Variants in RPH3A observed in about 807,000 individuals in gnomAD.
RPH3A encodes rabphilin 3A, also known as rabphilin-3A.
In RPH3A, 48 loss-of-function variants were observed where a neutral mutation model predicts 102.2. The ratio of observed to expected loss-of-function variants is 0.47; its 90% CI spans 0.37 to 0.60. The LOEUF is 0.60. Ranked by LOEUF, RPH3A falls within the 20% of genes least tolerant of loss-of-function variation. The probability of loss-of-function intolerance (pLI) is 0.00; values close to 1 mark genes in which losing one functional copy is unlikely to be tolerated. For missense variants in RPH3A, 781 were observed against 910.1 expected, an observed-to-expected ratio of 0.86 and a Z score of 1.83; for synonymous variants, 310 against 324.3, an observed-to-expected ratio of 0.96 and a Z score of 0.47.
chr12:112,594,872 TC>T (rs1052537982), intron 1 of RPH3A, among the ~76,000 whole-genome samples: 7 of 152,248 alleles, frequency 4.6e-5, no homozygotes, highest in Non-Finnish European at 1.0e-4. Flanking sequence ...CTCGCTATAT[TC>T]CAGGCATTGT....
chr12:112,580,824 G>T (rs2039395729), intron 1 of RPH3A, among the ~76,000 whole-genome samples: 1 of 152,150 alleles, frequency 6.6e-6, no homozygotes, highest in African/African-American at 2.4e-5. Flanking sequence ...GTGCAGATTG[G>T]ATGTGACTAA....
intron 1 of RPH3A, among the ~76,000 whole-genome samples, chr12:112,653,156 C>T (rs572437208): frequency 5.9e-5 from 9 of 151,942 alleles, no homozygotes; most frequent in African/African-American, 1.7e-4. Flanking sequence ...TTTGGGAGGC[C>T]GAGGTGGATG....
At chr12:112,729,536 A>G (rs1004292864) in intron 1 of RPH3A, among the ~76,000 whole-genome samples, 2 of 152,174 alleles carry the variant, frequency 1.3e-5, no homozygotes, top group South Asian at 4.1e-4. Context: ...CTTAAAGATA[A>G]GCAGAGTTAG....
intron 1 of RPH3A, among the ~76,000 whole-genome samples, chr12:112,691,079 C>T (rs1264735888): frequency 6.6e-6 from 1 of 151,880 alleles, no homozygotes; most frequent in Non-Finnish European, 1.5e-5. Context: ...GGCTGGAGTG[C>T]AGTGGCGTGA....
upstream of RPH3A, among the ~76,000 whole-genome samples, chr12:112,790,305 G>A (rs2041085440): frequency 6.6e-6 from 1 of 152,112 alleles, no homozygotes; most frequent in Non-Finnish European, 1.5e-5. Context: ...TAATCCACCT[G>A]CCTCGGCCTC....
chr12:112,678,581 C>T (rs2040204265), intron 1 of RPH3A, among the ~76,000 whole-genome samples: 1 of 151,920 alleles, frequency 6.6e-6, no homozygotes, highest in African/African-American at 2.4e-5. Flanking sequence ...TTTATTTATT[C>T]CTGCTTGGAC....
intron 7 of RPH3A, 143 bp from the exon 8 acceptor site, chr12:112,868,287 G>C (rs1399803530): frequency 5.1e-6 from 4 of 782,880 alleles, no homozygotes; most frequent in Non-Finnish European, 8.0e-6. Context: ...AATTGTGCAG[G>C]GCTCTGTAGT....
intron 1 of RPH3A, among the ~76,000 whole-genome samples, chr12:112,764,698 A>T (rs150632416): frequency 5.3e-4 from 80 of 151,770 alleles, no homozygotes; most frequent in East Asian, 2.7e-3. Context: ...TATTATTATT[A>T]TTTTTTTGCA....
intron 1 of RPH3A, among the ~76,000 whole-genome samples, chr12:112,762,751 C>A (rs1427960087): frequency 6.6e-6 from 1 of 152,142 alleles, no homozygotes; most frequent in Non-Finnish European, 1.5e-5. Context: ...GCAAGGTGAT[C>A]AACTGTTCTG....
rs914048311 is a variant in RPH3A at position 112,669,212 on chromosome 12, C to G, written c.-140+93893C>G. 1.3e-5 allele frequency among the ~76,000 whole-genome samples: 2 copies of G among 152,096 alleles called. 1 individual carries two copies. Among genetic ancestry groups the G allele is most frequent in the African/African-American group, 4.8e-5 (2 of 41,410 alleles). ...CCTTTTCTTAATTTGCACAAAGGGCCGTATGAACTAGCAGTGGTCCTGAAA... is the reference window on the plus strand; with the variant it reads ...CCTTTTCTTAATTTGCACAAAGGGCGGTATGAACTAGCAGTGGTCCTGAAA... On this transcript the variant is annotated intron_variant, in intron 1 of 21. Transcript: ENST00000543106.
intron 1 of RPH3A, among the ~76,000 whole-genome samples, chr12:112,732,497 A>G (rs941952489): frequency 1.3e-5 from 2 of 152,228 alleles, no homozygotes; most frequent in African/African-American, 4.8e-5. Context: ...GGGCACCCTC[A>G]TTAACGCACG....
intron 1 of RPH3A, among the ~76,000 whole-genome samples, chr12:112,684,043 A>G (rs73417182): frequency 0.043 from 6,486 of 152,218 alleles, 476 homozygotes; most frequent in African/African-American, 0.15. Context: ...CTACATATAG[A>G]TATATAGGCA....
At chr12:112,621,966 A>C (rs1242718319) in intron 1 of RPH3A, among the ~76,000 whole-genome samples, 86 of 150,902 alleles carry the variant, frequency 5.7e-4, no homozygotes, top group Non-Finnish European at 6.5e-4. Flanking sequence ...CTCACACGGC[A>C]GGGTATTCCA....
At chr12:112,840,038 T>C (rs1016947673) in intron 4 of RPH3A, among the ~76,000 whole-genome samples, 4 of 152,148 alleles carry the variant, frequency 2.6e-5, no homozygotes, top group Admixed American at 2.6e-4. Context: ...TGGTGATCAA[T>C]TTCAAATTCA....
intron 1 of RPH3A, among the ~76,000 whole-genome samples, chr12:112,701,536 T>G (rs1232904681): frequency 1.3e-5 from 2 of 152,082 alleles, no homozygotes; most frequent in African/African-American, 4.8e-5. Context: ...GGCACTGCCT[T>G]GAGATTTAGT....
chr12:112,761,075 A>T (rs139903889), intron 1 of RPH3A, among the ~76,000 whole-genome samples: 2 of 152,276 alleles, frequency 1.3e-5, no homozygotes, highest in Non-Finnish European at 2.9e-5. Context: ...AGTCTGGAGG[A>T]AGGTATGAGG....
At chr12:112,692,691 A>G (rs1334130080) in intron 1 of RPH3A, among the ~76,000 whole-genome samples, 1 of 152,214 alleles carries the variant, frequency 6.6e-6, no homozygotes, top group Non-Finnish European at 1.5e-5. Context: ...ATGAATCTGC[A>G]TTGGGAGGGA....
chr12:112,781,181 CA>C (rs1258534397), intron 1 of RPH3A, among the ~76,000 whole-genome samples: 3 of 119,440 alleles, frequency 2.5e-5, no homozygotes, highest in African/African-American at 9.6e-5. Flanking sequence ...ACAAAACAAA[CA>C]AAAAAACCAA....
At chr12:112,817,413 A>C (rs758766323) in intron 2 of RPH3A, among the ~76,000 whole-genome samples, 8 of 152,008 alleles carry the variant, frequency 5.3e-5, no homozygotes, top group Non-Finnish European at 1.0e-4. Flanking sequence ...TCAGCCTTCA[A>C]GGTCCAGCCC....
Sources: gnomAD v4.1 joint callset for allele counts (sites outside exome capture counted in the v4.1 genomes callset) on GRCh38, gnomAD v4.1.1 for gene constraint, MANE v1.5 for transcripts, NCBI Gene and HGNC (gene_info 2026-07-23, HGNC 2026-07-21) for gene names.